Variants in MED13L observed in about 807,000 individuals in gnomAD.
MED13L encodes mediator complex subunit 13L.
In MED13L, 7 loss-of-function variants were observed where a neutral mutation model predicts 220.9. The ratio of observed to expected loss-of-function variants is 0.03; its 90% CI spans 0.02 to 0.06. The LOEUF is 0.06. MED13L is among the 10% of genes least tolerant of loss of function. The pLI, the probability that MED13L is intolerant of heterozygous loss-of-function variation, is 1.00. For missense variants in MED13L, 1,965 were observed against 2,760.5 expected, an observed-to-expected ratio of 0.71 and a Z score of 6.46; for synonymous variants, 1,011 against 1,015.2, an observed-to-expected ratio of 1.00 and a Z score of 0.08.
At chr12:115,998,903 A>C (rs2137339622) in intron 14 of MED13L, among the ~76,000 whole-genome samples, 1 of 152,346 alleles carries the variant, frequency 6.6e-6, no homozygotes, top group Non-Finnish European at 1.5e-5. Context: ...AAAAAGAAGA[A>C]GAAAAAACTA....
intron 2 of MED13L, among the ~76,000 whole-genome samples, chr12:116,129,573 A>T (rs1875885736): frequency 6.6e-6 from 1 of 152,126 alleles, no homozygotes; most frequent in Non-Finnish European, 1.5e-5. Context: ...CGCCTTGGCA[A>T]GGGAGCAGCT....
intron 2 of MED13L, among the ~76,000 whole-genome samples, chr12:116,224,956 G>A (rs1023475114): frequency 3.3e-5 from 5 of 152,050 alleles, no homozygotes; most frequent in South Asian, 4.1e-4. Flanking sequence ...CTCAGCCTCC[G>A]AAAGTGCTGG....
chr12:116,027,991 G>A (rs959679590), intron 4 of MED13L, among the ~76,000 whole-genome samples: 7 of 152,144 alleles, frequency 4.6e-5, no homozygotes, highest in South Asian at 2.1e-4. Context: ...GTAAAATTCC[G>A]GTGTTTTCAT....
chr12:115,996,494 A>T lies in MED13L; in HGVS notation c.2978T>A (p.Phe993Tyr). Residue 993 changes from phenylalanine (F) to tyrosine (Y), a missense_variant, in exon 16 of 31, where the codon TTC becomes TAC. Physicochemically the swap from Phe to Tyr is conservative, Grantham distance 22 (BLOSUM62 3). Transcript: ENST00000281928. The stretch of plus-strand genomic sequence containing the variant: ...TACATACTTGTAGCCATCTCTAATG[A>T]AAGTGGCTGCAGGGGGCATGGGCAG... ...EQLPMPPAATFIRDGYNNVPS... is the reference protein window; with the variant it reads ...EQLPMPPAATYIRDGYNNVPS... The T allele has an allele frequency of 2.5e-6, 4 of 1,613,950 alleles. No individual in the cohort carries two copies. Among genetic ancestry groups the T allele is most frequent in the Non-Finnish European group, 3.4e-6 (4 of 1,179,762 alleles).
intron 1 of MED13L, among the ~76,000 whole-genome samples, chr12:116,276,054 G>T (rs956750610): frequency 6.6e-6 from 1 of 152,136 alleles, no homozygotes; most frequent in African/African-American, 2.4e-5. Context: ...AGCAAAGATG[G>T]CATTTACCAC....
rs1176607151 is a variant in MED13L, at chr12:116,210,001, C to T, written c.310+27467G>A. On this transcript the variant is annotated intron_variant, in intron 2 of 30. Coordinates refer to ENST00000281928, the MANE Select transcript of MED13L (RefSeq NM_015335.5). Reference sequence around the variant, plus strand: ...CCTTAAATTTTTCTAATGTTTTGGGCAGTCAATTCCCACAAACTAGACTAA... The same window carrying T: ...CCTTAAATTTTTCTAATGTTTTGGGTAGTCAATTCCCACAAACTAGACTAA... Among the ~76,000 whole-genome samples, 3 of 152,140 alleles carry T rather than the reference C, an allele frequency of 2.0e-5. 1 individual carries two copies. Among genetic ancestry groups the T allele is most frequent in the South Asian group, 4.1e-4 (2 of 4,832 alleles).
intron 8 of MED13L, 31 bp from the exon 9 acceptor site, chr12:116,012,932 G>T: frequency 6.9e-7 from 1 of 1,454,940 alleles, no homozygotes; most frequent in South Asian, 1.1e-5. Context: ...ACTTATGTGT[G>T]AACATAATAC....
At chr12:116,245,005 G>A (rs1870976363) in intron 1 of MED13L, among the ~76,000 whole-genome samples, 1 of 151,990 alleles carries the variant, frequency 6.6e-6, no homozygotes, top group South Asian at 2.1e-4. Context: ...AGATGCCCAG[G>A]TACCTTCTCT....
At chr12:116,175,809 A>C (rs1464658270) in intron 2 of MED13L, among the ~76,000 whole-genome samples, 1 of 152,188 alleles carries the variant, frequency 6.6e-6, no homozygotes, top group African/African-American at 2.4e-5. Flanking sequence ...CTGAGAAATG[A>C]TGCCGTTAAA....
intron 2 of MED13L, among the ~76,000 whole-genome samples, chr12:116,167,030 C>T (rs1437822262): frequency 1.3e-5 from 2 of 151,916 alleles, no homozygotes; most frequent in African/African-American, 4.8e-5. Context: ...ATACATGACC[C>T]CATAAATTTA....
At chr12:116,202,502 T>C (rs1882063385) in intron 2 of MED13L, among the ~76,000 whole-genome samples, 1 of 152,178 alleles carries the variant, frequency 6.6e-6, no homozygotes, top group Non-Finnish European at 1.5e-5. Context: ...TCAAATATTA[T>C]AGCTATCCAG....
intron 2 of MED13L, among the ~76,000 whole-genome samples, chr12:116,218,563 A>T (rs868816539): frequency 6.8e-6 from 1 of 146,948 alleles, no homozygotes; most frequent in African/African-American, 2.5e-5. Flanking sequence ...TTTAACCAGC[A>T]TTTTTTTTTT....
chr12:116,116,119 T>G (rs1874495161), intron 2 of MED13L, among the ~76,000 whole-genome samples: 1 of 152,168 alleles, frequency 6.6e-6, no homozygotes, highest in Non-Finnish European at 1.5e-5. Context: ...ATGGTTTTTG[T>G]ACACTAGTGG....
intron 16 of MED13L, among the ~76,000 whole-genome samples, chr12:115,993,467 T>C (rs1223351679): frequency 6.6e-6 from 1 of 152,012 alleles, no homozygotes; most frequent in Non-Finnish European, 1.5e-5. Flanking sequence ...TAATTAGCTA[T>C]GCCTAAACTA....
intron 2 of MED13L, among the ~76,000 whole-genome samples, chr12:116,185,945 C>T (rs757596405): frequency 5.9e-5 from 9 of 152,220 alleles, no homozygotes; most frequent in South Asian, 2.1e-4. Flanking sequence ...CTGCCCACTT[C>T]GGCCTCCCAA....
chr12:116,132,526 A>G (rs904072477), intron 2 of MED13L, among the ~76,000 whole-genome samples: 1 of 151,940 alleles, frequency 6.6e-6, no homozygotes, highest in Admixed American at 6.6e-5. Context: ...TAAGTATGCT[A>G]TTTCCACATG....
chr12:116,024,002 T>C (rs1361752445), intron 4 of MED13L, among the ~76,000 whole-genome samples: 2 of 152,164 alleles, frequency 1.3e-5, no homozygotes, highest in African/African-American at 4.8e-5. Flanking sequence ...GTTTTACTGA[T>C]TGTGGATTGG....
intron 4 of MED13L, among the ~76,000 whole-genome samples, chr12:116,079,161 G>T (rs568897295): frequency 6.6e-6 from 1 of 152,216 alleles, no homozygotes; most frequent in South Asian, 2.1e-4. Flanking sequence ...CATGCAGTGG[G>T]TTTATTATTA....
intron 7 of MED13L, among the ~76,000 whole-genome samples, chr12:116,015,702 G>A (rs1879685496): frequency 6.6e-6 from 1 of 152,146 alleles, no homozygotes; most frequent in African/African-American, 2.4e-5. Context: ...AACAGTAGAG[G>A]GAGCTTTATA....
Sources: allele counts gnomAD v4.1 joint callset (sites outside exome capture counted in the v4.1 genomes callset), GRCh38; gene constraint gnomAD v4.1.1; transcripts MANE v1.5; gene names NCBI Gene and HGNC (gene_info 2026-07-23, HGNC 2026-07-21).